TMTC2: variants seen among roughly 807,000 people sequenced by gnomAD.
The protein encoded by TMTC2 is protein O-mannosyl-transferase TMTC2.
In TMTC2, 43 loss-of-function variants were observed where a neutral mutation model predicts 82.4. The observed-to-expected ratio is 0.52, with a 90% CI of 0.41 to 0.67. TMTC2 has a LOEUF of 0.67. Ranked by LOEUF, TMTC2 falls within the 30% of genes least tolerant of loss-of-function variation. The probability of loss-of-function intolerance (pLI) is 0.00; values close to 1 mark genes in which losing one functional copy is unlikely to be tolerated. For missense variants in TMTC2, 919 were observed against 1,012.4 expected (o/e 0.91, Z 1.25); for synonymous variants, 408 against 381.9 (o/e 1.07, Z -0.80).
At chr12:83,111,993 C>G (rs1884614896) in intron 11 of TMTC2, among the ~76,000 whole-genome samples, 2 of 151,656 alleles carry the variant, frequency 1.3e-5, no homozygotes, top group Admixed American at 6.6e-5. Context: ...GTGGTCCCAG[C>G]TACTCAGGAT....
chr12:82,936,894 T>A (rs188337237), intron 4 of TMTC2, among the ~76,000 whole-genome samples: 1 of 152,300 alleles, frequency 6.6e-6, no homozygotes, highest in East Asian at 1.9e-4. Flanking sequence ...CTGATTTTTT[T>A]AAATAAGTTA....
intron 2 of TMTC2, among the ~76,000 whole-genome samples, chr12:82,866,355 CTT>C (rs559431164): frequency 2.8e-4 from 43 of 151,932 alleles, no homozygotes; most frequent in Non-Finnish European, 5.7e-4. Flanking sequence ...CAAAATACCT[CTT>C]TGTTTTGGAC....
rs1565818156 is a variant in TMTC2 at position 82,937,748 on chromosome 12, G to GGA, written c.1598+7203_1598+7204insGA. Among the ~76,000 whole-genome samples the GGA allele has an allele frequency of 1.2e-3, 112 of 92,368 alleles. 1 individual carries two copies. The highest frequency in any genetic ancestry group is 1.9e-3 in the Non-Finnish European group (86 of 44,628). 60.6% of individuals were successfully genotyped at this position (92,368 alleles called of 152,430 possible). On this transcript the variant is annotated intron_variant, in intron 4 of 11. Coordinates refer to ENST00000321196, the MANE Select transcript of TMTC2 (RefSeq NM_152588.3). The stretch of plus-strand genomic sequence containing the variant: ...TGTGTGGATGTGTGTGTGTGTGTGT[G>GGA]TGTATATATATATATATATATATAT...
chr12:82,847,642 G>A (rs1397265682), intron 1 of TMTC2, among the ~76,000 whole-genome samples: 5 of 152,144 alleles, frequency 3.3e-5, no homozygotes, highest in Admixed American at 2.0e-4. Context: ...CATGTCCTTT[G>A]CAGGGACATG....
intron 1 of TMTC2, among the ~76,000 whole-genome samples, chr12:82,827,140 A>G (rs1869462357): frequency 6.6e-6 from 1 of 152,196 alleles, no homozygotes; most frequent in African/African-American, 2.4e-5. Flanking sequence ...ATCATAAGGA[A>G]TACAAGGAGT....
intron 9 of TMTC2, among the ~76,000 whole-genome samples, chr12:83,039,514 A>T (rs1881808567): frequency 6.6e-6 from 1 of 152,022 alleles, no homozygotes. Context: ...TTTACTGAGT[A>T]CTTTTGTGGC....
intron 11 of TMTC2, among the ~76,000 whole-genome samples, chr12:83,122,817 G>A (rs1379313120): frequency 6.6e-6 from 1 of 152,146 alleles, no homozygotes; most frequent in Admixed American, 6.5e-5. Flanking sequence ...TCCAATCAGA[G>A]CTGCAATCTA....
chr12:82,760,180 G>T (rs1337879005), intron 1 of TMTC2: 1 of 14,202 alleles, frequency 7.0e-5, no homozygotes, highest in Non-Finnish European at 2.7e-3. Flanking sequence ...AAATAATTGG[G>T]GTTATTTTTT....
intron 8 of TMTC2, among the ~76,000 whole-genome samples, chr12:83,019,523 C>T (rs1470587421): frequency 2.6e-5 from 4 of 152,148 alleles, no homozygotes; most frequent in African/African-American, 7.2e-5. Context: ...TGGTAAACCA[C>T]ACCCTTGACA....
chr12:83,051,065 T>A, intron 10 of TMTC2, 47 bp downstream of exon 10: 1 of 1,356,238 alleles, frequency 7.4e-7, no homozygotes, highest in Non-Finnish European at 1.0e-6. Context: ...TTTGAGAGGG[T>A]AATTAATTAT....
chr12:82,874,780 A>G (rs1458794880), intron 2 of TMTC2, among the ~76,000 whole-genome samples: 2 of 152,212 alleles, frequency 1.3e-5, no homozygotes, highest in Non-Finnish European at 2.9e-5. Context: ...ATAGGGAATT[A>G]TGCCATTTTT....
At chr12:83,018,910 T>C (rs902485504) in intron 8 of TMTC2, among the ~76,000 whole-genome samples, 1 of 152,214 alleles carries the variant, frequency 6.6e-6, no homozygotes, top group African/African-American at 2.4e-5. Flanking sequence ...GGTCCTTGGA[T>C]AAGTGTTGAT....
intron 2 of TMTC2, among the ~76,000 whole-genome samples, chr12:82,865,687 C>A (rs1871809677): frequency 6.6e-6 from 1 of 152,140 alleles, no homozygotes; most frequent in Admixed American, 6.5e-5. Flanking sequence ...GAACTCTTCA[C>A]CCCAAATCAA....
intron 2 of TMTC2, among the ~76,000 whole-genome samples, chr12:82,864,455 T>G (rs956296503): frequency 3.1e-4 from 47 of 151,548 alleles, no homozygotes; most frequent in Admixed American, 2.6e-3. Flanking sequence ...AAAGCTAGAG[T>G]TGAAGTTTTA....
At chr12:83,009,151 AG>A (rs1269126396) in intron 8 of TMTC2, among the ~76,000 whole-genome samples, 1 of 152,196 alleles carries the variant, frequency 6.6e-6, no homozygotes, top group African/African-American at 2.4e-5. Flanking sequence ...GCTCTGGGGA[AG>A]GCTCTGGTAA....
At chr12:83,028,544 A>C (rs2137418482) in intron 8 of TMTC2, among the ~76,000 whole-genome samples, 1 of 152,224 alleles carries the variant, frequency 6.6e-6, no homozygotes, top group East Asian at 1.9e-4. Flanking sequence ...AATTTGGGCA[A>C]GTGCTTAATG....
intron 1 of TMTC2, among the ~76,000 whole-genome samples, chr12:82,688,262 A>G (rs1425875095): frequency 1.3e-5 from 2 of 152,116 alleles, no homozygotes; most frequent in African/African-American, 4.8e-5. Context: ...AGCCTCCTTC[A>G]CCAATCCATT....
At chr12:82,844,329 T>G (rs1382509126) in intron 1 of TMTC2, among the ~76,000 whole-genome samples, 2 of 152,222 alleles carry the variant, frequency 1.3e-5, no homozygotes, top group Non-Finnish European at 2.9e-5. Context: ...AAGGCAAGTA[T>G]TTTAACTGGG....
chr12:82,845,433 T>G (rs909796990), intron 1 of TMTC2, among the ~76,000 whole-genome samples: 4 of 151,592 alleles, frequency 2.6e-5, no homozygotes, highest in Non-Finnish European at 5.9e-5. Flanking sequence ...ATAAATTATG[T>G]AAACAAATGG....
Sources: allele counts gnomAD v4.1 joint callset (sites outside exome capture counted in the v4.1 genomes callset), GRCh38; gene constraint gnomAD v4.1.1; transcripts MANE v1.5; gene names NCBI Gene and HGNC (gene_info 2026-07-23, HGNC 2026-07-21).